Variants in CNNM3 observed in about 807,000 individuals in gnomAD.
CNNM3 encodes metal transporter CNNM3.
A neutral mutation model predicts 57.1 loss-of-function variants in CNNM3; 47 were observed. That is an observed-to-expected ratio of 0.82 (90% CI 0.65 to 1.05). The LOEUF is 1.05. CNNM3 is among the 50% of genes least tolerant of loss of function. The pLI is 0.00. For missense variants in CNNM3, 957 were observed against 973.7 expected (o/e 0.98, Z 0.23); for synonymous variants, 507 against 478.2 (o/e 1.06, Z -0.79).
chr2:96,833,650 G>A lies in CNNM3; in HGVS notation c.*1034G>A, dbSNP rs368222067. Reference sequence around the variant, plus strand: ...GAGAAGTGGGAACAGGAAGGCATTTGTCTTTTTCTTCTAGTTTACTACATT... The same window carrying A: ...GAGAAGTGGGAACAGGAAGGCATTTATCTTTTTCTTCTAGTTTACTACATT... On this transcript the variant is annotated 3_prime_UTR_variant, in exon 8 of 8. Transcript: ENST00000305510. The A allele has an allele frequency of 1.3e-5, 2 of 152,198 alleles. No homozygotes were observed. The highest frequency in any genetic ancestry group is 6.5e-5 in the Admixed American group (1 of 15,292). 9.4% of individuals were successfully genotyped at this position (152,198 alleles called of 1,614,324 possible).
At chr2:96,820,976 G>A (rs1222355224) in intron 1 of CNNM3, among the ~76,000 whole-genome samples, 3 of 152,220 alleles carry the variant, frequency 2.0e-5, no homozygotes, top group Admixed American at 2.0e-4. Context: ...CCCGATGCAG[G>A]AGGATTTGGG....
At position 96,834,640 on chromosome 2, in the gene CNNM3, T is replaced by C. The variant is rs115826305; in HGVS notation, c.*2024T>C. Reference sequence around the variant, plus strand: ...TTGAGATTATAGGCGTGAGCCACCGTGCCCAGATTCACAGAAGTTTCATAC... The same window carrying C: ...TTGAGATTATAGGCGTGAGCCACCGCGCCCAGATTCACAGAAGTTTCATAC... On this transcript the variant is annotated 3_prime_UTR_variant, in exon 8 of 8. Transcript: ENST00000305510. Among the ~76,000 whole-genome samples, 3,024 of 118,868 alleles carry C rather than the reference T, an allele frequency of 0.025. 118 individuals are homozygous for C. Among genetic ancestry groups the C allele is most frequent in the African/African-American group, 0.13 (2,890 of 21,970 alleles). 78.0% of individuals were successfully genotyped at this position (118,868 alleles called of 152,430 possible). A position where few individuals can be genotyped will look rare whatever the true frequency, so the allele number is the denominator to read the frequency against.
Position 96,826,822 on chromosome 2 carries a change from T to C in CNNM3, c.1370-11T>C. ...GCTGATGCCTGAGCGCGCCCTCTTC[T>C]TCCATCTTAGGAGACACCGTGGTGA... On this transcript the variant is annotated splice_polypyrimidine_tract_variant and intron_variant, in intron 2 of 7. Coordinates refer to ENST00000305510, the MANE Select transcript of CNNM3 (RefSeq NM_017623.5). 6.2e-7 allele frequency: 1 copy of C among 1,614,024 alleles called. No individual in the cohort carries two copies. The highest frequency in any genetic ancestry group is 8.5e-7 in the Non-Finnish European group (1 of 1,179,960).
chr2:96,819,345 G>T (rs187398466), intron 1 of CNNM3, among the ~76,000 whole-genome samples: 3 of 152,236 alleles, frequency 2.0e-5, no homozygotes, highest in Non-Finnish European at 4.4e-5. Context: ...CTGCCCCCAG[G>T]CCCTGAAGGC....
Position 96,834,488 on chromosome 2 carries a change from G to C in CNNM3, c.*1872G>C, listed in dbSNP as rs1397086184. On this transcript the variant is annotated 3_prime_UTR_variant, in exon 8 of 8. Transcript: ENST00000305510. ...GCCTCCTGAGTAGTAGGGACTACAG[G>C]TAGGCACCACCACACCCAGCTAATA... 1.3e-5 allele frequency among the ~76,000 whole-genome samples: 2 copies of C among 151,912 alleles called. No individual in the cohort carries two copies. The highest frequency in any genetic ancestry group is 4.8e-5 in the African/African-American group (2 of 41,344).
intron 1 of CNNM3, among the ~76,000 whole-genome samples, chr2:96,821,440 C>T (rs576169040): frequency 2.6e-5 from 4 of 152,186 alleles, no homozygotes; most frequent in South Asian, 4.2e-4. Context: ...GCTTTCATTC[C>T]GGGTCTTGTT....
intron 5 of CNNM3, 87 bp downstream of exon 5, chr2:96,828,282 C>T: frequency 1.8e-6 from 2 of 1,083,526 alleles, no homozygotes; most frequent in African/African-American, 1.6e-5. Context: ...CAGTGCCCCT[C>T]CTCACCTCTC....
At chr2:96,820,167 T>C (rs555121782) in intron 1 of CNNM3, among the ~76,000 whole-genome samples, 90 of 152,182 alleles carry the variant, frequency 5.9e-4, no homozygotes, top group Middle Eastern at 6.8e-3. Context: ...GAGGGGATGA[T>C]AACCTGAACA....
Position 96,817,230 on chromosome 2 carries a change from T to C in CNNM3, c.953T>C (p.Leu318Pro). 2 of 1,604,894 alleles carry C rather than the reference T, an allele frequency of 1.2e-6. No individual in the cohort carries two copies. Among genetic ancestry groups the C allele is most frequent in the Non-Finnish European group, 8.5e-7 (1 of 1,177,616 alleles). The part of the protein sequence containing the change: ...VLRCRTVEDV[L>P]TPLEDCFMLD... ...CGCTGCCGGACCGTGGAGGACGTGCTCACGCCCCTCGAAGACTGCTTCATG... is the reference window on the plus strand; with the variant it reads ...CGCTGCCGGACCGTGGAGGACGTGCCCACGCCCCTCGAAGACTGCTTCATG... Residue 318 changes from leucine to proline, a missense_variant, in exon 1 of 8, where the codon CTC becomes CCC. By Grantham distance (98) the Leu-to-Pro change is moderately conservative. Transcript: ENST00000305510.
chr2:96,817,807 T>C (rs1278723763), intron 1 of CNNM3, among the ~76,000 whole-genome samples: 1 of 150,734 alleles, frequency 6.6e-6, no homozygotes, highest in African/African-American at 2.4e-5. Context: ...ATCCCCCAGC[T>C]CTTTCCCTCT....
At chr2:96,836,851 T>C (rs1234752918), downstream of CNNM3, 1 of 151,542 alleles carries the variant, frequency 6.6e-6, no homozygotes, top group Admixed American at 6.6e-5. Flanking sequence ...AAAGAAGTTT[T>C]ATAGTTTTAA....
At chr2:96,836,184 G>A (rs909033498), downstream of CNNM3, among the ~76,000 whole-genome samples, 1 of 145,628 alleles carries the variant, frequency 6.9e-6, no homozygotes, top group Non-Finnish European at 1.5e-5. Context: ...CTGGACTCAA[G>A]CAGTTCTCCC....
intron 2 of CNNM3, among the ~76,000 whole-genome samples, 180 bp from the exon 3 acceptor site, chr2:96,826,653 G>A (rs562782475): frequency 6.6e-6 from 1 of 152,282 alleles, no homozygotes; most frequent in South Asian, 2.1e-4. Flanking sequence ...CTGTGTGGTT[G>A]GGGTGGGAGC....
At chr2:96,822,610 G>A (rs752868604) in intron 1 of CNNM3, among the ~76,000 whole-genome samples, 22 of 152,172 alleles carry the variant, frequency 1.4e-4, no homozygotes, top group Non-Finnish European at 2.8e-4. Flanking sequence ...GTGCCTGGCC[G>A]CAGTCTCTGC....
chr2:96,828,216 T>TG, intron 5 of CNNM3, 21 bp downstream of exon 5: 1 of 1,594,434 alleles, frequency 6.3e-7, no homozygotes, highest in Non-Finnish European at 8.6e-7. Flanking sequence ...GCCCTGCTGA[T>TG]GCTGAGGGCC....
intron 1 of CNNM3, among the ~76,000 whole-genome samples, chr2:96,819,567 C>T (rs561981920): frequency 6.6e-6 from 1 of 152,260 alleles, no homozygotes; most frequent in Non-Finnish European, 1.5e-5. Context: ...TCTGGAATTG[C>T]AGATTTCTGT....
downstream of CNNM3, among the ~76,000 whole-genome samples, chr2:96,835,751 G>A (rs1202913766): frequency 6.6e-6 from 1 of 152,194 alleles, no homozygotes; most frequent in Non-Finnish European, 1.5e-5. Context: ...ACAGGCGTGA[G>A]CCACCGCACC....
rs1031349075 is a variant in CNNM3, at chr2:96,832,981, G to A, written c.*365G>A. ...CTCTTTGGGCTGAGCCACCTTGTGA[G>A]TGCAGTTACTGCCTTTGTGTGGCCG... On this transcript the variant is annotated 3_prime_UTR_variant, in exon 8 of 8. Coordinates refer to ENST00000305510, the MANE Select transcript of CNNM3 (RefSeq NM_017623.5). The A allele has an allele frequency of 2.0e-5, 27 of 1,348,214 alleles. No homozygotes were observed. Among genetic ancestry groups the A allele is most frequent in the East Asian group, 4.3e-5 (1 of 23,494 alleles). The allele number at this position is 1,348,214 out of a possible 1,614,324, so 83.5% of individuals were successfully genotyped here.
chr2:96,816,523 G>C lies in CNNM3; in HGVS notation c.246G>C (p.Glu82Asp), dbSNP rs1036564794. ...GCTCTTGGTCCTGGGTGGCCCCGGA[G>C]GGGGCGGGCTGCCGGGAGGAGGCGG... Reference protein sequence around the residue: ...ANSSWSWVAPEGAGCREEAAS... With the variant: ...ANSSWSWVAPDGAGCREEAAS... The change falls in exon 1 of 8, where the codon GAG (glutamate) becomes GAC (aspartate). Residue 82 changes from glutamate (E) to aspartate (D), a missense_variant. Glu to Asp is a conservative substitution (Grantham distance 45, BLOSUM62 2). Coordinates refer to ENST00000305510, the MANE Select transcript of CNNM3 (RefSeq NM_017623.5). The C allele has an allele frequency of 1.4e-6, 2 of 1,381,842 alleles. No individual in the cohort carries two copies. The highest frequency in any genetic ancestry group is 3.0e-5 in the African/African-American group (2 of 66,022). The allele number at this position is 1,381,842 out of a possible 1,614,324, so 85.6% of individuals were successfully genotyped here.
Sources: gnomAD v4.1 joint callset for allele counts (sites outside exome capture counted in the v4.1 genomes callset) on GRCh38, gnomAD v4.1.1 for gene constraint, MANE v1.5 for transcripts, NCBI Gene and HGNC (gene_info 2026-07-23, HGNC 2026-07-21) for gene names.